The following RABGAP1L variants were observed in gnomAD, a reference collection of about 807,000 sequenced individuals.
RABGAP1L encodes the protein rab GTPase-activating protein 1-like.
RABGAP1L carries 63 observed loss-of-function variants against 137.7 expected under a neutral mutation model. The ratio of observed to expected loss-of-function variants is 0.46; its 90% CI spans 0.37 to 0.56. The LOEUF (loss-of-function observed/expected upper bound fraction) is 0.56, where lower values mean the gene tolerates loss of function less well. RABGAP1L is among the 20% of genes least tolerant of loss of function. The pLI is 0.00. For synonymous variants in RABGAP1L, 431 were observed against 433.7 expected, an observed-to-expected ratio of 0.99 and a Z score of 0.08; for missense variants, 1,095 against 1,244.0, an observed-to-expected ratio of 0.88 and a Z score of 1.80.
At position 174,617,501 on chromosome 1, in the gene RABGAP1L, C is replaced by G. The variant is rs578168975; in HGVS notation, c.1711-19874C>G. Among the ~76,000 whole-genome samples the G allele has an allele frequency of 2.0e-5, 3 of 152,262 alleles. No individual in the cohort carries two copies. The East Asian group carries it at 5.8e-4, about 29-fold the overall frequency. ...TGTTATAGTCTCTCAGGAACAAATC[C>G]TTCTGTTCTTAGCCATTCCTATTCT... On this transcript the variant is annotated intron_variant, in intron 13 of 25. Transcript: ENST00000681986.
intron 18 of RABGAP1L, among the ~76,000 whole-genome samples, chr1:174,772,595 A>G (rs1029324555): frequency 1.4e-5 from 2 of 145,076 alleles, no homozygotes; most frequent in Admixed American, 6.9e-5. Context: ...AAAAAAAAGT[A>G]CAGTTTTAAC....
At chr1:174,881,492 CTTT>C (rs751296977) in intron 19 of RABGAP1L, among the ~76,000 whole-genome samples, 1 of 85,856 alleles carries the variant, frequency 1.2e-5, no homozygotes, top group Non-Finnish European at 2.1e-5. Flanking sequence ...ATATCATTTG[CTTT>C]TTTTTTTTTT....
chr1:174,961,192 T>G (rs1399804453), intron 20 of RABGAP1L, among the ~76,000 whole-genome samples: 1 of 152,112 alleles, frequency 6.6e-6, no homozygotes, highest in Non-Finnish European at 1.5e-5. Context: ...GTTTGTAAAT[T>G]TAGTGATTGA....
At chr1:174,797,903 T>C (rs1024058973) in intron 18 of RABGAP1L, among the ~76,000 whole-genome samples, 6 of 152,140 alleles carry the variant, frequency 3.9e-5, no homozygotes, top group African/African-American at 1.2e-4. Flanking sequence ...TCTATGCTTA[T>C]GATCATTTTA....
intron 19 of RABGAP1L, among the ~76,000 whole-genome samples, chr1:174,927,343 TTGA>T (rs1663014011): frequency 6.6e-6 from 1 of 152,216 alleles, no homozygotes; most frequent in South Asian, 2.1e-4. Context: ...TGTATATCTG[TTGA>T]TGAATTTGTG....
intron 7 of RABGAP1L, among the ~76,000 whole-genome samples, chr1:174,265,262 T>A (rs935915456): frequency 6.6e-6 from 1 of 152,246 alleles, no homozygotes; most frequent in Non-Finnish European, 1.5e-5. Context: ...CTGAATGTCC[T>A]GTATTAGTCT....
At chr1:174,320,299 A>G (rs1167959707) in intron 11 of RABGAP1L, among the ~76,000 whole-genome samples, 1 of 152,060 alleles carries the variant, frequency 6.6e-6, no homozygotes, top group Non-Finnish European at 1.5e-5. Flanking sequence ...CTGTCATTAT[A>G]GTTTTACCTT....
At chr1:174,489,308 C>A (rs1255792641) in intron 13 of RABGAP1L, among the ~76,000 whole-genome samples, 1 of 152,092 alleles carries the variant, frequency 6.6e-6, no homozygotes, top group Non-Finnish European at 1.5e-5. Flanking sequence ...CCAGAATCTA[C>A]AAAGAACTTA....
intron 13 of RABGAP1L, among the ~76,000 whole-genome samples, chr1:174,403,541 T>C (rs992870850): frequency 3.9e-5 from 6 of 152,104 alleles, no homozygotes; most frequent in South Asian, 4.1e-4. Context: ...TTTGTGTAAA[T>C]TACATAAAAT....
intron 10 of RABGAP1L, among the ~76,000 whole-genome samples, chr1:174,283,025 A>C (rs1307920520): frequency 6.6e-6 from 1 of 152,108 alleles, no homozygotes; most frequent in African/African-American, 2.4e-5. Context: ...AAGCTTCCCA[A>C]CCTTTCTCAT....
intron 1 of RABGAP1L, among the ~76,000 whole-genome samples, chr1:174,203,582 C>T (rs61828576): frequency 0.089 from 13,611 of 152,204 alleles, 824 homozygotes; most frequent in East Asian, 0.22. Flanking sequence ...ATTTCTCTGG[C>T]TGTTCAGGTT....
chr1:174,457,293 CAA>C, intron 13 of RABGAP1L, among the ~76,000 whole-genome samples: 1 of 152,110 alleles, frequency 6.6e-6, no homozygotes, highest in East Asian at 1.9e-4. Flanking sequence ...GGAGAATACA[CAA>C]TAACTTTGGA....
chr1:174,442,162 C>T (rs540533939), intron 13 of RABGAP1L, among the ~76,000 whole-genome samples: 3 of 152,002 alleles, frequency 2.0e-5, no homozygotes, highest in Admixed American at 2.0e-4. Flanking sequence ...TTTAACTTTT[C>T]TTTACAAGGA....
intron 14 of RABGAP1L, among the ~76,000 whole-genome samples, chr1:174,660,973 AT>A (rs1298158840): frequency 6.6e-6 from 1 of 152,124 alleles, no homozygotes; most frequent in East Asian, 1.9e-4. Context: ...TATGAGAGCA[AT>A]TTTTTGTCCA....
intron 4 of RABGAP1L, among the ~76,000 whole-genome samples, chr1:174,240,932 GTGTGTT>G (rs1027352215): frequency 2.0e-5 from 2 of 101,298 alleles, no homozygotes; most frequent in African/African-American, 6.6e-5. Flanking sequence ...ATGTGTATGT[GTGTGTT>G]TGTGTGTGTG....
chr1:174,176,437 T>C (rs894095090), intron 1 of RABGAP1L, among the ~76,000 whole-genome samples: 2 of 152,088 alleles, frequency 1.3e-5, no homozygotes, highest in Middle Eastern at 3.4e-3. Context: ...AAGCTGGGCA[T>C]GGTGGCTCAC....
At chr1:174,547,891 G>C in intron 13 of RABGAP1L, 1 of 1,547,684 alleles carries the variant, frequency 6.5e-7, no homozygotes, top group Non-Finnish European at 8.7e-7. Flanking sequence ...AGTTAAATAT[G>C]AAGGGTCTAT....
rs537231445 is a variant in RABGAP1L at position 174,162,902 on chromosome 1, G to C, written c.-34+3245G>C. The stretch of plus-strand genomic sequence containing the variant: ...GGGAATTGAACAATGAGATCACATG[G>C]ACACAGGAAGGGGAATATCACACTC... On this transcript the variant is annotated intron_variant, in intron 1 of 25. Coordinates refer to ENST00000681986, the MANE Select transcript of RABGAP1L (RefSeq NM_001366446.1). Among the ~76,000 whole-genome samples, 11 of 126,090 alleles carry C rather than the reference G, an allele frequency of 8.7e-5. No homozygotes were observed. The East Asian group carries it at 2.7e-3, about 31-fold the overall frequency. 82.7% of individuals were successfully genotyped at this position (126,090 alleles called of 152,430 possible). A position where few individuals can be genotyped will look rare whatever the true frequency, so the allele number is the denominator to read the frequency against.
chr1:174,349,964 A>T (rs1369172547), intron 11 of RABGAP1L, among the ~76,000 whole-genome samples: 1 of 72,202 alleles, frequency 1.4e-5, no homozygotes, highest in Non-Finnish European at 2.8e-5. Context: ...GGGGGGGCTG[A>T]CCCCCCCATC....
Sources: gnomAD v4.1 joint callset for allele counts (sites outside exome capture counted in the v4.1 genomes callset) on GRCh38, gnomAD v4.1.1 for gene constraint, MANE v1.5 for transcripts, NCBI Gene and HGNC (gene_info 2026-07-23, HGNC 2026-07-21) for gene names.